The following DAB2IP variants were observed in gnomAD, a reference collection of about 807,000 sequenced individuals.
DAB2IP encodes the protein disabled homolog 2-interacting protein.
A neutral mutation model predicts 107.2 loss-of-function variants in DAB2IP; 28 were observed. The ratio of observed to expected loss-of-function variants is 0.26; its 90% CI spans 0.19 to 0.36. The LOEUF (loss-of-function observed/expected upper bound fraction) is 0.36. DAB2IP is among the 10% of genes least tolerant of loss of function. The pLI is 1.00. For missense variants in DAB2IP, 1,400 were observed against 1,644.7 expected (o/e 0.85, Z 2.57); for synonymous variants, 755 against 706.4 (o/e 1.07, Z -1.09).
At chr9:121,767,693 C>T (rs955242085) in intron 9 of DAB2IP, among the ~76,000 whole-genome samples, 4 of 152,176 alleles carry the variant, frequency 2.6e-5, no homozygotes, top group Non-Finnish European at 5.9e-5. Flanking sequence ...CTGAAAAGCT[C>T]ACCCTGACAG....
rs1267568761 is a variant in DAB2IP at position 121,651,716 on chromosome 9, C to A, written c.-60C>A. On this transcript the variant is annotated 5_prime_UTR_variant, in exon 1 of 16. Coordinates refer to ENST00000408936, the Ensembl canonical transcript of DAB2IP. The surrounding 1 kb of genome is among the most constrained non-coding windows in gnomAD (Gnocchi z 5.1). Reference sequence around the variant, plus strand: ...TGGGCGCCCGCCGGGCTGTCCGGAGCGGCCGATGGGGCCCGTGTGAGCGCG... The same window carrying A: ...TGGGCGCCCGCCGGGCTGTCCGGAGAGGCCGATGGGGCCCGTGTGAGCGCG... 36 of 1,175,774 alleles carry A rather than the reference C, an allele frequency of 3.1e-5. No individual in the cohort carries two copies. The highest frequency in any genetic ancestry group is 1.8e-4 in the Admixed American group (4 of 21,710). 72.8% of individuals were successfully genotyped at this position (1,175,774 alleles called of 1,614,324 possible). A position where few individuals can be genotyped will look rare whatever the true frequency, so the allele number is the denominator to read the frequency against.
chr9:121,757,298 G>T, intron 4 of DAB2IP, 132 bp downstream of exon 4: 1 of 1,218,154 alleles, frequency 8.2e-7, no homozygotes, highest in Non-Finnish European at 1.1e-6. Context: ...ACAGTGGCTA[G>T]TAGTTACCGA....
At chr9:121,730,393 C>T (rs1447185810) in intron 3 of DAB2IP, among the ~76,000 whole-genome samples, 7 of 152,232 alleles carry the variant, frequency 4.6e-5, no homozygotes, top group African/African-American at 1.7e-4. Context: ...TGTTGCTGGG[C>T]CCTGCACTGC....
At chr9:121,711,369 T>C (rs894628703) in intron 3 of DAB2IP, among the ~76,000 whole-genome samples, 2 of 152,178 alleles carry the variant, frequency 1.3e-5, no homozygotes, top group African/African-American at 4.8e-5. Flanking sequence ...TGTGCTCAAA[T>C]ACATTTTACA....
chr9:121,651,430 G>A (rs986123), upstream of DAB2IP, among the ~76,000 whole-genome samples: 2,938 of 152,288 alleles, frequency 0.019, 95 homozygotes, highest in African/African-American at 0.066. The surrounding 1 kb of genome is among the most constrained non-coding windows in gnomAD (Gnocchi z 5.1). Flanking sequence ...CGGGGGCGGG[G>A]GTGGGAGCCA....
At chr9:121,770,408 T>G in intron 10 of DAB2IP, 138 bp from the exon 11 acceptor site, 1 of 911,808 alleles carries the variant, frequency 1.1e-6, no homozygotes, top group East Asian at 2.7e-5. Context: ...CCAGACCCAG[T>G]GGCTCTGACT....
chr9:121,784,995 G>A (rs547900594), exon 16 of DAB2IP: 2 of 152,814 alleles, frequency 1.3e-5, no homozygotes, highest in Admixed American at 6.5e-5. Flanking sequence ...GAACAGCCCC[G>A]GGGCCCCCTG....
upstream of DAB2IP, among the ~76,000 whole-genome samples, chr9:121,649,107 C>G (rs1175758020): frequency 6.6e-6 from 1 of 152,182 alleles, no homozygotes; most frequent in Non-Finnish European, 1.5e-5. Context: ...CCTTCCCACT[C>G]AGTACCCGGA....
intron 14 of DAB2IP, among the ~76,000 whole-genome samples, chr9:121,780,774 G>A (rs950628455): frequency 5.3e-5 from 8 of 152,302 alleles, no homozygotes; most frequent in African/African-American, 1.4e-4. Flanking sequence ...GCAGCAGGAC[G>A]GAGCCGGCCT....
chr9:121,617,599 G>C (rs1321094840), intron 1 of DAB2IP, among the ~76,000 whole-genome samples: 1 of 152,232 alleles, frequency 6.6e-6, no homozygotes, highest in Non-Finnish European at 1.5e-5. Flanking sequence ...GAGGCAGCCT[G>C]TCCTTTGTCA....
In DAB2IP at chr9:121,651,633, C is replaced by G; in HGVS notation, c.-143C>G. On this transcript the variant is annotated 5_prime_UTR_variant, in exon 1 of 16. Coordinates refer to ENST00000408936, the Ensembl canonical transcript of DAB2IP. The surrounding 1 kb of genome is among the most constrained non-coding windows in gnomAD (Gnocchi z 5.1). ...GCAGGAGGCGGAGGAGGAGTTTGAG[C>G]GACTTTGTGGGGCAGCCAGGGCCTC... 1 of 1,059,274 alleles carries G rather than the reference C, an allele frequency of 9.4e-7. No homozygotes were observed. Among genetic ancestry groups the G allele is most frequent in the Non-Finnish European group, 1.1e-6 (1 of 878,368 alleles). The allele number at this position is 1,059,274 out of a possible 1,614,324, so 65.6% of individuals were successfully genotyped here.
chr9:121,664,184 A>C (rs1206028454), intron 1 of DAB2IP, among the ~76,000 whole-genome samples: 2 of 152,232 alleles, frequency 1.3e-5, no homozygotes, highest in Non-Finnish European at 2.9e-5. Context: ...GTTTTTGAAA[A>C]TCAATTGCCC....
chr9:121,772,590 T>C lies in DAB2IP; in HGVS notation c.2079-17T>C. ...TCTTTTCCCCTTCTTTCCCTGTGTG[T>C]GCTTGTCTCCCTGCAGTCTGATAGA... On this transcript the variant is annotated splice_polypyrimidine_tract_variant and intron_variant, in intron 11 of 15. Transcript: ENST00000408936. The surrounding 1 kb of genome is among the most constrained non-coding windows in gnomAD (Gnocchi z 4.7). 1 of 1,601,938 alleles carries C rather than the reference T, an allele frequency of 6.2e-7. No homozygotes were observed. Among genetic ancestry groups the C allele is most frequent in the Non-Finnish European group, 8.5e-7 (1 of 1,172,332 alleles).
chr9:121,759,776 C>G (rs1833754103), intron 5 of DAB2IP, 109 bp from the exon 6 acceptor site: 3 of 1,026,352 alleles, frequency 2.9e-6, no homozygotes, highest in East Asian at 5.2e-5. Context: ...GCTGCCGCCT[C>G]CACCTTCAGA....
chr9:121,747,643 G>A (rs1156996330), intron 3 of DAB2IP, among the ~76,000 whole-genome samples: 1 of 152,034 alleles, frequency 6.6e-6, no homozygotes, highest in Non-Finnish European at 1.5e-5. Flanking sequence ...CACCGCGCCC[G>A]GCCTAGATGC....
At chr9:121,639,046 C>T (rs770652156) in intron 1 of DAB2IP, among the ~76,000 whole-genome samples, 2 of 152,178 alleles carry the variant, frequency 1.3e-5, no homozygotes, top group Non-Finnish European at 2.9e-5. Context: ...TATCCACTGA[C>T]CACTATCCTA....
intron 3 of DAB2IP, among the ~76,000 whole-genome samples, chr9:121,712,806 A>G (rs1209956919): frequency 6.6e-6 from 1 of 152,250 alleles, no homozygotes; most frequent in Non-Finnish European, 1.5e-5. Flanking sequence ...AGGGAATTCC[A>G]CAGTCCAAAC....
At chr9:121,769,173 T>A (rs1046395523) in intron 10 of DAB2IP, among the ~76,000 whole-genome samples, 2 of 152,162 alleles carry the variant, frequency 1.3e-5, no homozygotes, top group African/African-American at 4.8e-5. Context: ...ACTTAAGGGC[T>A]GGGTCTACCA....
Position 121,766,197 on chromosome 9 carries a change from C to T in DAB2IP, c.1461-297C>T, listed in dbSNP as rs1364778855. Among the ~76,000 whole-genome samples the T allele has an allele frequency of 3.3e-5, 5 of 152,186 alleles. 1 individual carries two copies. The highest frequency in any genetic ancestry group is 2.1e-4 in the South Asian group (1 of 4,834). ...CCTTGGCAGTTAATTCCGGTTAGGA[C>T]GGAGAGCCAGCTCCTCATGCCTCCT... On this transcript the variant is annotated intron_variant, in intron 8 of 15. Coordinates refer to ENST00000408936, the Ensembl canonical transcript of DAB2IP.
Sources: allele counts gnomAD v4.1 joint callset (sites outside exome capture counted in the v4.1 genomes callset), GRCh38; gene constraint gnomAD v4.1.1; non-coding constraint Gnocchi (gnomAD v3.1); transcripts MANE v1.5; gene names NCBI Gene and HGNC (gene_info 2026-07-23, HGNC 2026-07-21).